The following DGKZ variants were observed in gnomAD, a reference collection of about 807,000 sequenced individuals.
DGKZ encodes DAG kinase zeta.
In DGKZ, 45 loss-of-function variants were observed where a neutral mutation model predicts 142.5. The ratio of observed to expected loss-of-function variants is 0.32; its 90% CI spans 0.25 to 0.40. The LOEUF (loss-of-function observed/expected upper bound fraction) is 0.40. Among genes scored for constraint, DGKZ ranks in the 10% least tolerant of loss-of-function variants. The pLI, the probability that DGKZ is intolerant of heterozygous loss-of-function variation, is 1.00. For missense variants in DGKZ, 755 were observed against 1,306.5 expected (o/e 0.58, Z 6.51); for synonymous variants, 442 against 527.0 (o/e 0.84, Z 2.21).
At chr11:46,333,480 T>A (rs369730059) in exon 1 of DGKZ, 24 of 1,541,850 alleles carry the variant, frequency 1.6e-5, no homozygotes, top group Non-Finnish European at 2.1e-5. Context: ...AAAGCAGGTG[T>A]CTTACAGGTA....
At chr11:46,340,272 G>T (rs1156923292) in intron 1 of DGKZ, among the ~76,000 whole-genome samples, 50 of 152,310 alleles carry the variant, frequency 3.3e-4, no homozygotes, top group Non-Finnish European at 1.6e-4. Flanking sequence ...AGGTAGTAAG[G>T]GGGCTGAAAG....
intron 1 of DGKZ, chr11:46,364,590 C>T (rs1943050268): frequency 1.0e-6 from 1 of 985,314 alleles, no homozygotes; most frequent in East Asian, 1.1e-4. Context: ...CAGAACTCTG[C>T]TTCCCTAGGC....
At position 46,369,691 on chromosome 11, in the gene DGKZ, G is replaced by A. The variant is rs528630358; in HGVS notation, c.501+141G>A. On this transcript the variant is annotated intron_variant, in intron 5 of 30. Coordinates refer to ENST00000527911, the Ensembl canonical transcript of DGKZ. The stretch of plus-strand genomic sequence containing the variant: ...GAGGTCTGTCTGAGGTCTGCCATGC[G>A]GAGGCCTAACTAGCGCTGCCTGCGG... 399 of 1,191,252 alleles carry A rather than the reference G, an allele frequency of 3.3e-4. 2 individuals carry two copies. The African/African-American group carries it at 3.9e-3, about 12-fold the overall frequency. The allele number at this position is 1,191,252 out of a possible 1,614,324, so 73.8% of individuals were successfully genotyped here.
rs1270547267 is a variant in DGKZ, at chr11:46,333,431, GC to G, written c.161del (p.Pro54ArgfsTer82). 6 of 1,529,330 alleles carry G rather than the reference GC, an allele frequency of 3.9e-6. No homozygotes were observed. The highest frequency in any genetic ancestry group is 2.6e-5 in the East Asian group (1 of 38,502). 94.7% of individuals were successfully genotyped at this position (1,529,330 alleles called of 1,614,324 possible). A position where few individuals can be genotyped will look rare whatever the true frequency, so the allele number is the denominator to read the frequency against. ...AGGGTTCCCGGGGCACGGCCGCTGGGCCCCCGGTGGAGGAGCGTTTCCGCCA... is the reference window on the plus strand; with the variant it reads ...AGGGTTCCCGGGGCACGGCCGCTGGGCCCCGGTGGAGGAGCGTTTCCGCCA... On this transcript the variant is annotated frameshift_variant, in exon 1 of 31. Transcript: ENST00000343674. LOFTEE classifies it high-confidence loss of function.
chr11:46,376,463 A>G, intron 23 of DGKZ, 61 bp from the exon 24 acceptor site: 1 of 1,613,736 alleles, frequency 6.2e-7, no homozygotes, highest in Non-Finnish European at 8.5e-7. Context: ...AGGTAGGGGC[A>G]GCAGAGGACC....
In DGKZ at chr11:46,372,267, AC is replaced by A; in HGVS notation, c.927+101del. On this transcript the variant is annotated intron_variant, in intron 10 of 30. Coordinates refer to ENST00000527911, the Ensembl canonical transcript of DGKZ. This position sits in a 1 kb window ranked among gnomAD's most constrained non-coding sequence, Gnocchi z 5.9. Reference sequence around the variant, plus strand: ...TTCCCAGAGCCCGTTTCTGGCTTCTACCCCAATCCCTCTTTCCCAGGGATCC... The same window carrying A: ...TTCCCAGAGCCCGTTTCTGGCTTCTACCCAATCCCTCTTTCCCAGGGATCC... 3 of 1,364,064 alleles carry A rather than the reference AC, an allele frequency of 2.2e-6. No homozygotes were observed. The East Asian group carries it at 7.5e-5, about 34-fold the overall frequency. 84.5% of individuals were successfully genotyped at this position (1,364,064 alleles called of 1,614,324 possible).
At chr11:46,365,102 T>G in intron 1 of DGKZ, 1 of 985,050 alleles carries the variant, frequency 1.0e-6, no homozygotes, top group Non-Finnish European at 1.2e-6. Context: ...AGGGCTGAGG[T>G]GAGCTGGCAG....
chr11:46,375,876 C>G (rs1355423147), exon 21 of DGKZ: 2 of 1,571,592 alleles, frequency 1.3e-6, no homozygotes, highest in Non-Finnish European at 1.7e-6. Context: ...AGAGCAGTTG[C>G]GCATCCAGGT....
Position 46,367,700 on chromosome 11 carries a change from G to A in DGKZ, c.319G>A (p.Gly107Arg). 1.2e-6 allele frequency: 2 copies of A among 1,611,486 alleles called. No homozygotes were observed. The highest frequency in any genetic ancestry group is 1.7e-6 in the Non-Finnish European group (2 of 1,178,914). The change falls in exon 3 of 31, where the codon GGG becomes AGG. Residue 107 changes from glycine (G) to arginine (R), a missense_variant. Gly to Arg is a moderately radical substitution (Grantham distance 125, BLOSUM62 -2). Around this residue, in one of 8 missense-constraint regions of DGKZ, gnomAD observed 81 missense variants for 86.5 expected, o/e 0.94. Coordinates refer to ENST00000527911, the Ensembl canonical transcript of DGKZ. This position sits in a 1 kb window ranked among gnomAD's most constrained non-coding sequence, Gnocchi z 4.1. ...CATCTGGTTCGAGACCAACGTGTCC[G>A]GGGACTTCTGCTACGTTGGGGAGCA... is the stretch of plus-strand genomic sequence containing the variant.
chr11:46,371,421 A>T, intron 7 of DGKZ, 37 bp downstream of exon 7: 1 of 1,611,224 alleles, frequency 6.2e-7, no homozygotes, highest in Non-Finnish European at 8.5e-7. Flanking sequence ...CAGGCCCTGC[A>T]CTGCTGGGTT....
intron 25 of DGKZ, chr11:46,377,988 T>C (rs2279465): frequency 0.18 from 110,728 of 625,016 alleles, 11,855 homozygotes; most frequent in African/African-American, 0.4. Context: ...GACTTGTTTG[T>C]ATCCCTGAAC....
chr11:46,377,387 T>G, intron 25 of DGKZ, 175 bp downstream of exon 25: 3 of 1,236,008 alleles, frequency 2.4e-6, no homozygotes, highest in Non-Finnish European at 3.2e-6. Flanking sequence ...GGAAGCGGCC[T>G]CACGTCCACC....
chr11:46,344,522 C>T (rs1033655363), upstream of DGKZ, among the ~76,000 whole-genome samples: 4 of 149,412 alleles, frequency 2.7e-5, no homozygotes, highest in South Asian at 8.5e-4. Context: ...GGCGCGAACT[C>T]GGCTCATCAC....
chr11:46,367,503 A>T lies in DGKZ; in HGVS notation c.270+104A>T. On this transcript the variant is annotated intron_variant, in intron 2 of 30. Transcript: ENST00000527911. This position sits in a 1 kb window ranked among gnomAD's most constrained non-coding sequence, Gnocchi z 4.1. ...GGCAGCTGGGAGAGCCAAGCCTGGA[A>T]GGGTTGGGACAGTGGGGCAGACGGA... 7.4e-7 allele frequency: 1 copy of T among 1,351,140 alleles called. No homozygotes were observed. Among genetic ancestry groups the T allele is most frequent in the Non-Finnish European group, 1.0e-6 (1 of 997,956 alleles). 83.7% of individuals were successfully genotyped at this position (1,351,140 alleles called of 1,614,324 possible).
At chr11:46,366,335 G>T in intron 1 of DGKZ, 1 of 1,560,468 alleles carries the variant, frequency 6.4e-7, no homozygotes, top group Non-Finnish European at 8.6e-7. Context: ...CAGCAGCGTG[G>T]GGCTGCCCAC....
intron 1 of DGKZ, chr11:46,366,936 C>T: frequency 6.5e-7 from 1 of 1,541,168 alleles, no homozygotes; most frequent in Non-Finnish European, 8.7e-7. Context: ...CGCCAGGTAG[C>T]CCTACGGCGC....
chr11:46,343,327 T>C (rs1317643824), upstream of DGKZ, among the ~76,000 whole-genome samples: 2 of 152,172 alleles, frequency 1.3e-5, no homozygotes, highest in East Asian at 1.9e-4. Flanking sequence ...AAATATTTAC[T>C]GAAAAATATT....
intron 1 of DGKZ, among the ~76,000 whole-genome samples, chr11:46,357,951 G>A (rs754939101): frequency 5.9e-5 from 9 of 152,190 alleles, no homozygotes; most frequent in African/African-American, 1.7e-4. Flanking sequence ...CTAAGGCTTC[G>A]TGTCACAGTA....
intron 1 of DGKZ, chr11:46,333,595 G>A (rs1270533178): frequency 9.6e-7 from 1 of 1,046,818 alleles, no homozygotes; most frequent in Admixed American, 2.2e-5. Context: ...GGCGCTGGGA[G>A]TTTAGAGATG....
Sources: allele counts gnomAD v4.1 joint callset (sites outside exome capture counted in the v4.1 genomes callset), GRCh38; gene constraint gnomAD v4.1.1; regional missense constraint gnomAD v4.1.1; non-coding constraint Gnocchi (gnomAD v3.1); transcripts MANE v1.5; gene names NCBI Gene and HGNC (gene_info 2026-07-23, HGNC 2026-07-21).